Variants in RBFOX1 observed in about 807,000 individuals in gnomAD.
RBFOX1 encodes the protein RNA binding fox-1 homolog 1, also known as RNA binding protein fox-1 homolog 1.
A neutral mutation model predicts 57.7 loss-of-function variants in RBFOX1; 8 were observed. That is an observed-to-expected ratio of 0.14 (90% CI 0.08 to 0.25). The LOEUF is 0.25. Ranked by LOEUF, RBFOX1 falls within the 10% of genes least tolerant of loss-of-function variation. The probability of loss-of-function intolerance (pLI) is 1.00; values close to 1 mark genes in which losing one functional copy is unlikely to be tolerated. For missense variants in RBFOX1, 611 were observed against 548.5 expected, an observed-to-expected ratio of 1.11 and a Z score of -1.14; for synonymous variants, 326 against 222.4, an observed-to-expected ratio of 1.47 and a Z score of -4.15.
At chr16:6,437,981 C>G (rs946931806) in intron 2 of RBFOX1, among the ~76,000 whole-genome samples, 1 of 152,156 alleles carries the variant, frequency 6.6e-6, no homozygotes, top group African/African-American at 2.4e-5. Flanking sequence ...GACAAGGAAA[C>G]TGCCAGGCTC....
chr16:6,333,616 CTTAAAA>C (rs1250878469), intron 2 of RBFOX1, among the ~76,000 whole-genome samples: 1 of 152,084 alleles, frequency 6.6e-6, no homozygotes, highest in Non-Finnish European at 1.5e-5. Context: ...CTGAAAAACT[CTTAAAA>C]TTAAAAAATA....
At chr16:5,364,010 A>G (rs1057508969) in intron 1 of RBFOX1, among the ~76,000 whole-genome samples, 7 of 152,094 alleles carry the variant, frequency 4.6e-5, no homozygotes, top group Non-Finnish European at 1.0e-4. Flanking sequence ...AGAAGGAAAA[A>G]CCAACCTAGA....
chr16:7,197,440 G>GAA (rs57893229), intron 4 of RBFOX1, among the ~76,000 whole-genome samples: 4,348 of 91,098 alleles, frequency 0.048, 130 homozygotes, highest in Middle Eastern at 0.073. Context: ...CCTGTGAGTG[G>GAA]AAAAAAAAAA....
chr16:6,183,515 T>TAAATAAA (rs1220446109), intron 1 of RBFOX1, among the ~76,000 whole-genome samples: 2 of 150,654 alleles, frequency 1.3e-5, no homozygotes, highest in African/African-American at 4.9e-5. Flanking sequence ...AATAAATAAA[T>TAAATAAA]AAATAAATAA....
intron 4 of RBFOX1, among the ~76,000 whole-genome samples, chr16:7,313,867 A>G (rs1441548677): frequency 6.6e-6 from 1 of 152,020 alleles, no homozygotes; most frequent in Non-Finnish European, 1.5e-5. Flanking sequence ...CCTCCTCCTC[A>G]CTGTGCCGGC....
At chr16:6,381,593 C>A (rs1230989758) in intron 2 of RBFOX1, among the ~76,000 whole-genome samples, 1 of 152,290 alleles carries the variant, frequency 6.6e-6, no homozygotes, top group East Asian at 1.9e-4. Flanking sequence ...AAGGTCTTGC[C>A]TTTACCTATT....
chr16:6,957,788 C>G (rs554089735), intron 3 of RBFOX1, among the ~76,000 whole-genome samples: 212 of 152,184 alleles, frequency 1.4e-3, no homozygotes, highest in African/African-American at 4.9e-3. Flanking sequence ...GCTGGGATAC[C>G]TTAGGGAAAG....
At chr16:7,198,462 G>C (rs543257730) in intron 4 of RBFOX1, among the ~76,000 whole-genome samples, 151 of 152,290 alleles carry the variant, frequency 9.9e-4, no homozygotes, top group African/African-American at 3.6e-3. Context: ...CATTGCAAAA[G>C]AGATAAAATC....
chr16:7,492,273 G>C (rs1468692135), intron 4 of RBFOX1, among the ~76,000 whole-genome samples: 2 of 152,284 alleles, frequency 1.3e-5, no homozygotes, highest in East Asian at 1.9e-4. Context: ...GATTAGCAGA[G>C]AGAATGCTAA....
intron 3 of RBFOX1, among the ~76,000 whole-genome samples, chr16:7,009,620 T>G (rs1011951225): frequency 1.3e-5 from 2 of 152,134 alleles, no homozygotes; most frequent in Non-Finnish European, 2.9e-5. Flanking sequence ...GAAGCTGATG[T>G]ATAGCATATT....
intron 3 of RBFOX1, among the ~76,000 whole-genome samples, chr16:6,741,015 T>C (rs1384627096): frequency 2.0e-5 from 3 of 152,160 alleles, no homozygotes; most frequent in Non-Finnish European, 2.9e-5. Context: ...TTTGCTTAGA[T>C]GTAGACACCT....
At chr16:6,054,028 A>G (rs2095584479) in intron 1 of RBFOX1, among the ~76,000 whole-genome samples, 2 of 152,164 alleles carry the variant, frequency 1.3e-5, no homozygotes. Flanking sequence ...CAGCCTGCGC[A>G]ACAGAATGAG....
intron 4 of RBFOX1, among the ~76,000 whole-genome samples, chr16:5,920,666 G>A (rs539401195): frequency 5.3e-5 from 8 of 152,280 alleles, no homozygotes; most frequent in Admixed American, 5.2e-4. Context: ...GGGCAGCGGG[G>A]AGACCAGGAG....
At chr16:7,266,335 T>C (rs577841947) in intron 4 of RBFOX1, among the ~76,000 whole-genome samples, 1 of 152,244 alleles carries the variant, frequency 6.6e-6, no homozygotes, top group South Asian at 2.1e-4. Context: ...GCCCTCTTGC[T>C]CCTGCTTTGG....
At chr16:6,561,188 G>T (rs187554098) in intron 2 of RBFOX1, among the ~76,000 whole-genome samples, 2 of 152,068 alleles carry the variant, frequency 1.3e-5, no homozygotes, top group Admixed American at 1.3e-4. Context: ...TATGCTTCAC[G>T]CCCAAGCAAA....
At chr16:7,653,120 T>C (rs1047322693) in intron 11 of RBFOX1, among the ~76,000 whole-genome samples, 1 of 152,216 alleles carries the variant, frequency 6.6e-6, no homozygotes, top group African/African-American at 2.4e-5. Context: ...CACATATGTG[T>C]ATTTTGCATG....
chr16:5,773,958 C>T (rs1412116278), intron 3 of RBFOX1, among the ~76,000 whole-genome samples: 1 of 152,160 alleles, frequency 6.6e-6, no homozygotes, highest in Non-Finnish European at 1.5e-5. Context: ...TCCCAAAGTG[C>T]TAGGATTATA....
At chr16:6,650,387 A>T (rs1258427095) in intron 2 of RBFOX1, among the ~76,000 whole-genome samples, 1 of 152,212 alleles carries the variant, frequency 6.6e-6, no homozygotes, top group Non-Finnish European at 1.5e-5. Flanking sequence ...CCTTGAGGAA[A>T]ATAAAATTAC....
chr16:6,314,887 C>G (rs1034385171), intron 1 of RBFOX1, among the ~76,000 whole-genome samples: 31 of 152,162 alleles, frequency 2.0e-4, no homozygotes, highest in Admixed American at 2.0e-3. Flanking sequence ...ATTATTCTAA[C>G]TATTCTTCCC....
Sources: allele counts gnomAD v4.1 joint callset (sites outside exome capture counted in the v4.1 genomes callset), GRCh38; gene constraint gnomAD v4.1.1; transcripts MANE v1.5; gene names NCBI Gene and HGNC (gene_info 2026-07-23, HGNC 2026-07-21).